The following POM121C variants were observed in gnomAD, a reference collection of about 807,000 sequenced individuals.
POM121C encodes nuclear envelope pore membrane protein POM 121C.
Under a neutral mutation model 66.4 loss-of-function variants are expected in POM121C, and 20 were observed. The observed-to-expected ratio is 0.30, with a 90% confidence interval of 0.21 to 0.44. The LOEUF (loss-of-function observed/expected upper bound fraction) is 0.44, where lower values mean the gene tolerates loss of function less well. Among genes scored for constraint, POM121C ranks in the 20% least tolerant of loss-of-function variants. The pLI is 1.00. For synonymous variants in POM121C, 286 were observed against 528.0 expected (o/e 0.54, Z 6.28); for missense variants, 580 against 1,225.7 (o/e 0.47, Z 7.87).
Position 75,416,865 on chromosome 7 carries a change from A to T in POM121C, c.*1931T>A. 1 of 1,441,816 alleles carries T rather than the reference A, an allele frequency of 6.9e-7. No individual in the cohort carries two copies. 89.3% of individuals were successfully genotyped at this position (1,441,816 alleles called of 1,614,324 possible). A position where few individuals can be genotyped will look rare whatever the true frequency, so the allele number is the denominator to read the frequency against. ...CATTCATACTAAAAATTCCAACTAG[A>T]CTCAACAGGAATGAAGTCTCTATTT... On this transcript the variant is annotated 3_prime_UTR_variant, in exon 15 of 15. Coordinates refer to ENST00000615331, the MANE Select transcript of POM121C (RefSeq NM_001099415.3).
chr7:75,455,069 G>C (rs1260098568), intron 3 of POM121C, among the ~76,000 whole-genome samples: 5 of 152,172 alleles, frequency 3.3e-5, no homozygotes, highest in African/African-American at 9.6e-5. Context: ...CTAAATTATA[G>C]ATAAGACAAG....
rs2012567314 is a variant in POM121C, at chr7:75,418,474, G to C, written c.*322C>G. 1.9e-6 allele frequency: 2 copies of C among 1,079,570 alleles called. No homozygotes were observed. The highest frequency in any genetic ancestry group is 2.2e-6 in the Non-Finnish European group (2 of 891,448). The allele number at this position is 1,079,570 out of a possible 1,614,324, so 66.9% of individuals were successfully genotyped here. A position where few individuals can be genotyped will look rare whatever the true frequency, so the allele number is the denominator to read the frequency against. On this transcript the variant is annotated 3_prime_UTR_variant, in exon 15 of 15. Coordinates refer to ENST00000615331, the MANE Select transcript of POM121C (RefSeq NM_001099415.3). ...CGGCTCTCGGGGAAAGGTGGAAGGG[G>C]CGCCTGCCTAAGGGTGCGCTAAGCG...
intron 3 of POM121C, among the ~76,000 whole-genome samples, chr7:75,449,655 C>T (rs2116443683): frequency 6.6e-6 from 1 of 152,224 alleles, no homozygotes; most frequent in Admixed American, 6.5e-5. Flanking sequence ...GTGTGAGCTA[C>T]CATGCCCGGC....
intron 3 of POM121C, among the ~76,000 whole-genome samples, chr7:75,451,239 CA>C (rs1472700057): frequency 6.6e-6 from 1 of 151,534 alleles, no homozygotes; most frequent in Non-Finnish European, 1.5e-5. Flanking sequence ...GCAAAAAGAA[CA>C]AAGGTGGAGG....
chr7:75,432,568 GT>G (rs1554472501), intron 7 of POM121C, among the ~76,000 whole-genome samples: 1 of 152,142 alleles, frequency 6.6e-6, no homozygotes, highest in Admixed American at 6.6e-5. Flanking sequence ...CAGGAGGGAG[GT>G]TTCTGGTGAT....
chr7:75,460,697 C>T (rs1338357895), intron 3 of POM121C, among the ~76,000 whole-genome samples: 2 of 152,208 alleles, frequency 1.3e-5, no homozygotes, highest in Non-Finnish European at 2.9e-5. Flanking sequence ...CTGATCTTCA[C>T]GAGTGAGTGG....
In POM121C at chr7:75,484,662, C is replaced by CAAAAA. The variant is rs10690558; in HGVS notation, c.-458+1197_-458+1201dup. Among the ~76,000 whole-genome samples the CAAAAA allele has an allele frequency of 4.5e-3, 217 of 48,642 alleles. 8 individuals are homozygous for CAAAAA. The highest frequency in any genetic ancestry group is 5.7e-3 in the Non-Finnish European group (157 of 27,650). 31.9% of individuals were successfully genotyped at this position (48,642 alleles called of 152,430 possible). ...CCAGACTGGGTGAGAGACACTGTCT[C>CAAAAA]AAAAAAAAAAAAAAAAAAAAAAAGA... On this transcript the variant is annotated intron_variant, in intron 1 of 14. Transcript: ENST00000615331.
intron 5 of POM121C, among the ~76,000 whole-genome samples, chr7:75,439,434 T>G (rs1423558243): frequency 6.6e-6 from 1 of 152,056 alleles, no homozygotes; most frequent in Non-Finnish European, 1.5e-5. Context: ...CAGGCTGGAG[T>G]GCAATAGCAC....
intron 3 of POM121C, among the ~76,000 whole-genome samples, chr7:75,453,404 G>A (rs1376607508): frequency 1.3e-5 from 2 of 150,592 alleles, no homozygotes; most frequent in Non-Finnish European, 3.0e-5. Flanking sequence ...CCAACATGGA[G>A]AAACCCCAAC....
chr7:75,432,122 T>G (rs587687510), intron 7 of POM121C, among the ~76,000 whole-genome samples: 2 of 147,492 alleles, frequency 1.4e-5, no homozygotes, highest in South Asian at 4.3e-4. Flanking sequence ...GAGGTGGAGG[T>G]TGCAGTGAGC....
At chr7:75,479,640 T>C (rs1468899276) in intron 1 of POM121C, among the ~76,000 whole-genome samples, 20 of 114,682 alleles carry the variant, frequency 1.7e-4, no homozygotes, top group South Asian at 7.9e-4. Flanking sequence ...AATAAATAAA[T>C]AAATAAATAA....
intron 3 of POM121C, among the ~76,000 whole-genome samples, chr7:75,455,094 T>C (rs1554476160): frequency 1.3e-5 from 2 of 152,036 alleles, no homozygotes; most frequent in African/African-American, 4.8e-5. Flanking sequence ...GAAATTAGAG[T>C]TAAGTAGGGA....
intron 5 of POM121C, among the ~76,000 whole-genome samples, chr7:75,439,825 T>C (rs1790561620): frequency 6.6e-6 from 1 of 152,180 alleles, no homozygotes; most frequent in Non-Finnish European, 1.5e-5. Context: ...CTTCTTTTCT[T>C]TCTGTAATTA....
intron 10 of POM121C, 179 bp downstream of exon 10, chr7:75,424,895 G>A (rs1789876399): frequency 1.5e-6 from 2 of 1,367,604 alleles, no homozygotes; most frequent in East Asian, 5.0e-5. Flanking sequence ...AGGAGGCAGA[G>A]GTTACGGTTA....
chr7:75,449,521 C>G (rs1207966343), intron 3 of POM121C, among the ~76,000 whole-genome samples: 5 of 152,022 alleles, frequency 3.3e-5, no homozygotes, highest in African/African-American at 4.8e-5. Flanking sequence ...CCCGCTGCCA[C>G]GCCTGGCTAA....
At chr7:75,465,088 G>T (rs1224880464) in intron 3 of POM121C, among the ~76,000 whole-genome samples, 1 of 150,338 alleles carries the variant, frequency 6.7e-6, no homozygotes, top group Non-Finnish European at 1.5e-5. Context: ...TCTGCCTACC[G>T]GGTTCAAGCA....
At position 75,456,640 on chromosome 7, in the gene POM121C, C is replaced by A. The variant is rs76651667; in HGVS notation, c.-151-14993G>T. 5.8e-3 allele frequency among the ~76,000 whole-genome samples: 891 copies of A among 152,330 alleles called. 6 individuals carry two copies. The highest frequency in any genetic ancestry group is 0.041 in the East Asian group (215 of 5,184). On this transcript the variant is annotated intron_variant, in intron 3 of 14. Coordinates refer to ENST00000615331, the MANE Select transcript of POM121C (RefSeq NM_001099415.3). ...GGAAATGGGGTTTTACTGCCTGTTG[C>A]GAGATGGGACATGAGACACAATCAA...
rs587704001 is a variant in POM121C, at chr7:75,468,081, G to A, written c.-152+6623C>T. ...GAGGAGGCAGAAGTTGCAGTGAGCT[G>A]AGATGGCACAACTGCACCCCAACCT... On this transcript the variant is annotated intron_variant, in intron 3 of 14. Transcript: ENST00000615331. Among the ~76,000 whole-genome samples, 215 of 132,764 alleles carry A rather than the reference G, an allele frequency of 1.6e-3. 2 individuals are homozygous for A. The highest frequency in any genetic ancestry group is 5.2e-3 in the African/African-American group (197 of 37,686). 87.1% of individuals were successfully genotyped at this position (132,764 alleles called of 152,430 possible).
chr7:75,460,694 TCAC>T (rs1791413969), intron 3 of POM121C, among the ~76,000 whole-genome samples: 1 of 152,222 alleles, frequency 6.6e-6, no homozygotes, highest in Admixed American at 6.5e-5. Context: ...CTGCTGATCT[TCAC>T]GAGTGAGTGG....
Sources: gnomAD v4.1 joint callset for allele counts (sites outside exome capture counted in the v4.1 genomes callset) on GRCh38, gnomAD v4.1.1 for gene constraint, MANE v1.5 for transcripts, NCBI Gene and HGNC (gene_info 2026-07-23, HGNC 2026-07-21) for gene names.